Variants in GRIK1 observed in about 807,000 individuals in gnomAD.
GRIK1 encodes glutamate ionotropic receptor kainate type subunit 1.
Under a neutral mutation model 105.7 loss-of-function variants are expected in GRIK1, and 69 were observed. The observed-to-expected ratio is 0.65, with a 90% CI of 0.54 to 0.80. GRIK1 has a LOEUF of 0.80. GRIK1 is among the 30% of genes least tolerant of loss of function. The pLI, the probability that GRIK1 is intolerant of heterozygous loss-of-function variation, is 0.00. For synonymous variants in GRIK1, 438 were observed against 431.3 expected (o/e 1.02, Z -0.19); for missense variants, 1,109 against 1,167.3 (o/e 0.95, Z 0.73).
intron 1 of GRIK1, among the ~76,000 whole-genome samples, chr21:29,916,223 C>T (rs79870411): frequency 2.0e-4 from 31 of 151,846 alleles, no homozygotes; most frequent in African/African-American, 7.0e-4. Context: ...AAATATGTTT[C>T]AGTATATTAA....
At chr21:29,743,866 A>G (rs973848871) in intron 1 of GRIK1, among the ~76,000 whole-genome samples, 3 of 152,188 alleles carry the variant, frequency 2.0e-5, no homozygotes, top group South Asian at 4.1e-4. Flanking sequence ...CAGTGTTAGA[A>G]TTGGGAAATT....
intron 1 of GRIK1, among the ~76,000 whole-genome samples, chr21:29,712,449 C>T (rs888496884): frequency 6.6e-5 from 10 of 151,840 alleles, no homozygotes; most frequent in Non-Finnish European, 8.8e-5. Context: ...GATCTTGATG[C>T]GTATCACCTA....
At chr21:29,613,936 G>T (rs1246283446) in intron 7 of GRIK1, among the ~76,000 whole-genome samples, 1 of 152,154 alleles carries the variant, frequency 6.6e-6, no homozygotes, top group East Asian at 1.9e-4. Flanking sequence ...AGGCAAGGGA[G>T]ATCTGCTGAG....
chr21:29,566,685 T>TGC (rs2090618354), intron 14 of GRIK1, among the ~76,000 whole-genome samples: 1 of 152,198 alleles, frequency 6.6e-6, no homozygotes. Flanking sequence ...CAGTGTTTAT[T>TGC]TACTGTGTAG....
chr21:29,713,438 G>A (rs985693003), intron 1 of GRIK1, among the ~76,000 whole-genome samples: 16 of 151,934 alleles, frequency 1.1e-4, no homozygotes, highest in African/African-American at 3.9e-4. Flanking sequence ...TAAGATCAGA[G>A]AAATATTGCC....
intron 1 of GRIK1, among the ~76,000 whole-genome samples, chr21:29,781,646 A>G (rs1018251169): frequency 1.4e-5 from 2 of 142,350 alleles, no homozygotes; most frequent in African/African-American, 2.6e-5. Context: ...TGTGCACCTA[A>G]CCTACTGTTT....
Position 29,829,611 on chromosome 21 carries a change from G to T in GRIK1, c.118+109772C>A, listed in dbSNP as rs948312800. ...ATCATTTCCCTCATTCTAAATGATC[G>T]ATTCTGCCACCCGAGCAGAAACACA... On this transcript the variant is annotated intron_variant, in intron 1 of 17. Transcript: ENST00000327783. Among the ~76,000 whole-genome samples, 10 of 152,246 alleles carry T rather than the reference G, an allele frequency of 6.6e-5. No individual in the cohort carries two copies. The South Asian group carries it at 1.9e-3, about 28-fold the overall frequency.
At chr21:29,545,482 T>G (rs2146100401) in intron 16 of GRIK1, among the ~76,000 whole-genome samples, 1 of 152,370 alleles carries the variant, frequency 6.6e-6, no homozygotes, top group South Asian at 2.1e-4. Flanking sequence ...TTTTGTTTTT[T>G]GTTTTTGTTT....
At chr21:29,596,740 G>A in intron 8 of GRIK1, 170 bp from the exon 9 acceptor site, 3 of 617,804 alleles carry the variant, frequency 4.9e-6, no homozygotes, top group Non-Finnish European at 8.7e-6. Context: ...ACAGCAAAGA[G>A]ACGAATCAAG....
chr21:29,929,351 G>C (rs1024566933), intron 1 of GRIK1, among the ~76,000 whole-genome samples: 1 of 152,020 alleles, frequency 6.6e-6, no homozygotes, highest in African/African-American at 2.4e-5. Flanking sequence ...TGTTAAACTG[G>C]ACAAAACACA....
At chr21:29,660,629 C>T (rs965971795) in intron 4 of GRIK1, among the ~76,000 whole-genome samples, 2 of 152,206 alleles carry the variant, frequency 1.3e-5, no homozygotes, top group Non-Finnish European at 2.9e-5. Context: ...TGGAGTGCTA[C>T]TGAGCAACTT....
intron 1 of GRIK1, among the ~76,000 whole-genome samples, chr21:29,779,856 T>G (rs956408839): frequency 6.6e-6 from 1 of 152,108 alleles, no homozygotes; most frequent in Non-Finnish European, 1.5e-5. Flanking sequence ...ATGTAGATAG[T>G]GAGATTGGTG....
intron 3 of GRIK1, among the ~76,000 whole-genome samples, chr21:29,682,932 AC>A (rs1013397547): frequency 1.4e-5 from 2 of 146,558 alleles, no homozygotes; most frequent in Non-Finnish European, 2.9e-5. Flanking sequence ...ACATCAACAA[AC>A]AAAAAAAAAC....
At chr21:29,782,934 G>A (rs9985091) in intron 1 of GRIK1, among the ~76,000 whole-genome samples, 18,959 of 152,048 alleles carry the variant, frequency 0.12, 1,419 homozygotes, top group African/African-American at 0.2. Context: ...TTTCATCTTG[G>A]TGTAAAATCG....
intron 1 of GRIK1, among the ~76,000 whole-genome samples, chr21:29,825,680 G>C (rs954375921): frequency 6.6e-6 from 1 of 152,186 alleles, no homozygotes. Flanking sequence ...TATGAAAGCT[G>C]TACAAATGAT....
At chr21:29,726,130 C>A (rs1415695010) in intron 1 of GRIK1, among the ~76,000 whole-genome samples, 1 of 152,128 alleles carries the variant, frequency 6.6e-6, no homozygotes, top group African/African-American at 2.4e-5. Context: ...CTGTTTTGAT[C>A]ATCAAACCAA....
intron 1 of GRIK1, among the ~76,000 whole-genome samples, chr21:29,844,087 A>G (rs1201740840): frequency 2.0e-5 from 3 of 152,202 alleles, no homozygotes; most frequent in Admixed American, 6.5e-5. Context: ...TCTCCAGAGT[A>G]TGCACTCAGT....
intron 1 of GRIK1, among the ~76,000 whole-genome samples, chr21:29,825,617 G>A (rs1251465035): frequency 6.6e-6 from 1 of 152,036 alleles, no homozygotes; most frequent in East Asian, 1.9e-4. Context: ...TATTTTGCTA[G>A]TAGGATTTTT....
chr21:29,555,906 CT>C (rs1269124942), intron 15 of GRIK1, among the ~76,000 whole-genome samples: 1 of 152,212 alleles, frequency 6.6e-6, no homozygotes, highest in Non-Finnish European at 1.5e-5. Context: ...TAAACAAGCA[CT>C]GGCCTCAAGA....
Sources: gnomAD v4.1 joint callset for allele counts (sites outside exome capture counted in the v4.1 genomes callset) on GRCh38, gnomAD v4.1.1 for gene constraint, MANE v1.5 for transcripts, NCBI Gene and HGNC (gene_info 2026-07-23, HGNC 2026-07-21) for gene names.